The following LRRC4C variants were observed in gnomAD, a reference collection of about 807,000 sequenced individuals.
LRRC4C encodes the protein leucine-rich repeat-containing protein 4C.
A neutral mutation model predicts 33.6 loss-of-function variants in LRRC4C; 5 were observed. The observed-to-expected ratio is 0.15, with a 90% CI of 0.08 to 0.31. The LOEUF is 0.31. Among genes scored for constraint, LRRC4C ranks in the 10% least tolerant of loss-of-function variants. LRRC4C has a pLI of 1.00. For missense variants in LRRC4C, 560 were observed against 796.7 expected (o/e 0.70, Z 3.58); for synonymous variants, 329 against 302.0 (o/e 1.09, Z -0.93).
intron 3 of LRRC4C, among the ~76,000 whole-genome samples, chr11:40,361,173 T>C (rs1009248282): frequency 6.6e-6 from 1 of 152,152 alleles, no homozygotes; most frequent in Non-Finnish European, 1.5e-5. Context: ...GCATTCCCCT[T>C]GCAAACTGGC....
At chr11:40,668,072 G>C (rs985982164) in intron 2 of LRRC4C, among the ~76,000 whole-genome samples, 7 of 152,108 alleles carry the variant, frequency 4.6e-5, no homozygotes, top group African/African-American at 1.4e-4. Flanking sequence ...TGAATAAATT[G>C]AATAATCAGA....
chr11:40,638,390 G>A (rs1391838077), intron 3 of LRRC4C, among the ~76,000 whole-genome samples: 1 of 152,128 alleles, frequency 6.6e-6, no homozygotes, highest in African/African-American at 2.4e-5. Context: ...GAGAATTACT[G>A]ACTTCTGTTC....
In LRRC4C at chr11:40,308,144, C is replaced by A. The variant is rs746006752; in HGVS notation, c.-176+11484G>T. ...GTGGAGTGATGGCACTGATACTGAA[C>A]CTTTTTTCCCCCCATCTCTTCCTGT... On this transcript the variant is annotated intron_variant, in intron 4 of 6. Coordinates refer to ENST00000528697, the MANE Select transcript of LRRC4C (RefSeq NM_001258419.2). Among the ~76,000 whole-genome samples, 4 of 152,188 alleles carry A rather than the reference C, an allele frequency of 2.6e-5. No homozygotes were observed. The East Asian group carries it at 7.7e-4, about 29-fold the overall frequency.
At chr11:40,585,556 T>A (rs1362822477) in intron 3 of LRRC4C, among the ~76,000 whole-genome samples, 1 of 149,096 alleles carries the variant, frequency 6.7e-6, no homozygotes, top group Non-Finnish European at 1.5e-5. Flanking sequence ...CGTGCCATGC[T>A]GGTGCGCTGC....
chr11:40,587,422 C>A (rs1958808667), intron 3 of LRRC4C, among the ~76,000 whole-genome samples: 2 of 148,652 alleles, frequency 1.3e-5, no homozygotes, highest in Non-Finnish European at 3.0e-5. Context: ...CGTCTGCAAA[C>A]AGGGACAATT....
At chr11:41,207,233 T>C (rs1260156786) in intron 1 of LRRC4C, among the ~76,000 whole-genome samples, 1 of 152,188 alleles carries the variant, frequency 6.6e-6, no homozygotes, top group Admixed American at 6.5e-5. Context: ...TGATATGCCC[T>C]GTCCTAGCCT....
At chr11:40,498,055 A>G (rs1277150568) in intron 3 of LRRC4C, among the ~76,000 whole-genome samples, 1 of 152,188 alleles carries the variant, frequency 6.6e-6, no homozygotes, top group African/African-American at 2.4e-5. Context: ...TTATCTACAT[A>G]ATTAATTCCT....
intron 1 of LRRC4C, among the ~76,000 whole-genome samples, chr11:41,327,874 G>A (rs1369950306): frequency 6.6e-6 from 1 of 152,144 alleles, no homozygotes; most frequent in South Asian, 2.1e-4. Context: ...CCATGATTGT[G>A]AGGGCTCCCC....
At chr11:41,381,124 T>C (rs996514895) in intron 1 of LRRC4C, among the ~76,000 whole-genome samples, 1 of 152,042 alleles carries the variant, frequency 6.6e-6, no homozygotes, top group African/African-American at 2.4e-5. Context: ...AGGATTTTTG[T>C]TTGGAGAAAC....
chr11:40,190,582 A>G (rs895441781), intron 5 of LRRC4C, among the ~76,000 whole-genome samples: 3 of 152,110 alleles, frequency 2.0e-5, no homozygotes, highest in African/African-American at 4.8e-5. Flanking sequence ...CAATTAGAAC[A>G]TGAACTCGAA....
chr11:40,606,636 C>A (rs1320400625), intron 3 of LRRC4C, among the ~76,000 whole-genome samples: 1 of 150,908 alleles, frequency 6.6e-6, no homozygotes, highest in African/African-American at 2.4e-5. Flanking sequence ...AATGAGCTGG[C>A]AAAAATTATA....
rs144909020 is a variant in LRRC4C, at chr11:41,335,626, C to T, written c.-496+123805G>A. On this transcript the variant is annotated intron_variant, in intron 1 of 6. Coordinates refer to ENST00000528697, the MANE Select transcript of LRRC4C (RefSeq NM_001258419.2). Reference sequence around the variant, plus strand: ...GTTTTCAATGAGTACTTACTAATTGCCTATCATATATTTCTCACGTTATGT... The same window carrying T: ...GTTTTCAATGAGTACTTACTAATTGTCTATCATATATTTCTCACGTTATGT... Among the ~76,000 whole-genome samples, 31 of 152,214 alleles carry T rather than the reference C, an allele frequency of 2.0e-4. 1 individual carries two copies. Among genetic ancestry groups the T allele is most frequent in the Admixed American group, 8.5e-4 (13 of 15,290 alleles).
intron 1 of LRRC4C, among the ~76,000 whole-genome samples, chr11:41,209,967 T>TA (rs1946755069): frequency 6.6e-6 from 1 of 152,090 alleles, no homozygotes; most frequent in Non-Finnish European, 1.5e-5. Flanking sequence ...AGACACCAGA[T>TA]ATTCTCTCTC....
chr11:40,320,715 A>G (rs2136848658), intron 3 of LRRC4C, among the ~76,000 whole-genome samples: 1 of 152,292 alleles, frequency 6.6e-6, no homozygotes, highest in African/African-American at 2.4e-5. Context: ...CATATAAAAC[A>G]AAAAGCTTCG....
chr11:41,064,691 G>T (rs1042864179), intron 1 of LRRC4C, among the ~76,000 whole-genome samples: 1 of 152,174 alleles, frequency 6.6e-6, no homozygotes, highest in East Asian at 1.9e-4. Flanking sequence ...AATGCAGAAG[G>T]CGGGTGATTT....
At position 41,229,268 on chromosome 11, in the gene LRRC4C, A is replaced by G. The variant is rs115689022; in HGVS notation, c.-496+230163T>C. 7.8e-3 allele frequency among the ~76,000 whole-genome samples: 1,189 copies of G among 152,254 alleles called. 18 individuals carry two copies. Among genetic ancestry groups the G allele is most frequent in the African/African-American group, 0.026 (1,100 of 41,564 alleles). Reference sequence around the variant, plus strand: ...GACAAGGCCATGTGAGGATGTAGAAAGAAGGCAACTATCTGCAAGCCAAGA... The same window carrying G: ...GACAAGGCCATGTGAGGATGTAGAAGGAAGGCAACTATCTGCAAGCCAAGA... On this transcript the variant is annotated intron_variant, in intron 1 of 6. Transcript: ENST00000528697.
chr11:40,749,535 CA>C (rs1212910538), intron 2 of LRRC4C, among the ~76,000 whole-genome samples: 6 of 140,870 alleles, frequency 4.3e-5, no homozygotes, highest in Non-Finnish European at 3.1e-5. Context: ...ATAAAGATAT[CA>C]AAAAAATCTA....
chr11:40,412,218 AT>A (rs949548611), intron 3 of LRRC4C, among the ~76,000 whole-genome samples: 5 of 152,100 alleles, frequency 3.3e-5, no homozygotes, highest in Non-Finnish European at 7.4e-5. Context: ...CAAAATACAA[AT>A]AACAACAATG....
chr11:40,406,492 C>A (rs1045132772), intron 3 of LRRC4C, among the ~76,000 whole-genome samples: 13 of 152,012 alleles, frequency 8.6e-5, no homozygotes, highest in African/African-American at 2.9e-4. Flanking sequence ...GAGTGTGATG[C>A]CTGGTATGTG....
Sources: allele counts gnomAD v4.1 joint callset (sites outside exome capture counted in the v4.1 genomes callset), GRCh38; gene constraint gnomAD v4.1.1; transcripts MANE v1.5; gene names NCBI Gene and HGNC (gene_info 2026-07-23, HGNC 2026-07-21).